Variants in TRPM3 observed in about 807,000 individuals in gnomAD.
TRPM3 encodes the protein transient receptor potential cation channel subfamily M member 3.
Under a neutral mutation model 181.2 loss-of-function variants are expected in TRPM3, and 77 were observed. That is an observed-to-expected ratio of 0.42 (90% CI 0.35 to 0.51). The LOEUF (loss-of-function observed/expected upper bound fraction) is 0.51, where lower values mean the gene tolerates loss of function less well. TRPM3 is among the 20% of genes least tolerant of loss of function. TRPM3 has a pLI of 0.01. For missense variants in TRPM3, 1,759 were observed against 2,196.7 expected (o/e 0.80, Z 3.98); for synonymous variants, 745 against 796.4 (o/e 0.94, Z 1.09).
chr9:70,741,442 A>G (rs1006357796), intron 8 of TRPM3, among the ~76,000 whole-genome samples: 4 of 152,238 alleles, frequency 2.6e-5, no homozygotes, highest in African/African-American at 9.6e-5. Flanking sequence ...AAGTAGAACT[A>G]CTATTTGATC....
intron 1 of TRPM3, among the ~76,000 whole-genome samples, chr9:71,014,155 T>G (rs978701001): frequency 6.6e-6 from 1 of 152,010 alleles, no homozygotes; most frequent in Non-Finnish European, 1.5e-5. Flanking sequence ...TCCTGAAATT[T>G]TGGTTTATAA....
At chr9:70,944,881 G>C (rs1022256823) in intron 1 of TRPM3, among the ~76,000 whole-genome samples, 4 of 150,894 alleles carry the variant, frequency 2.7e-5, no homozygotes, top group African/African-American at 9.7e-5. Flanking sequence ...AGACTACTCT[G>C]CTCACAGGTG....
chr9:70,978,196 C>T (rs2097325904), intron 1 of TRPM3, among the ~76,000 whole-genome samples: 1 of 152,198 alleles, frequency 6.6e-6, no homozygotes, highest in African/African-American at 2.4e-5. Flanking sequence ...GGAACACCTG[C>T]CAAATACGTA....
In TRPM3 at chr9:71,082,510, T is replaced by C. The variant is rs527872308; in HGVS notation, c.177+38668A>G. Among the ~76,000 whole-genome samples, 140 of 152,276 alleles carry C rather than the reference T, an allele frequency of 9.2e-4. 1 individual carries two copies. The highest frequency in any genetic ancestry group is 3.2e-3 in the African/African-American group (131 of 41,570). On this transcript the variant is annotated intron_variant, in intron 1 of 25. Coordinates refer to ENST00000677713, the MANE Select transcript of TRPM3 (RefSeq NM_001366145.2). ...CTTCATTCTAGGTAAATAAAGGGAA[T>C]CTATGTTTGATGTTAAGACATAAGT...
At chr9:70,941,964 C>T (rs147108216) in intron 1 of TRPM3, among the ~76,000 whole-genome samples, 4 of 152,254 alleles carry the variant, frequency 2.6e-5, no homozygotes, top group African/African-American at 9.6e-5. Context: ...GACAGAGGCC[C>T]TTGGAAATAT....
chr9:71,415,247 C>A (rs1226788322), intron 1 of TRPM3, among the ~76,000 whole-genome samples: 1 of 151,994 alleles, frequency 6.6e-6, no homozygotes, highest in Non-Finnish European at 1.5e-5. Context: ...CTCCTGACAC[C>A]TTGATTTCTG....
intron 5 of TRPM3, among the ~76,000 whole-genome samples, chr9:70,838,179 GGT>G (rs1178175978): frequency 1.3e-5 from 2 of 152,072 alleles, no homozygotes; most frequent in African/African-American, 4.8e-5. Context: ...TGACATTAAG[GGT>G]TAACAAGAAA....
Position 71,311,627 on chromosome 9 carries a change from T to C in TRPM3, c.183+135026A>G, listed in dbSNP as rs866174065. Among the ~76,000 whole-genome samples the C allele has an allele frequency of 3.9e-5, 6 of 152,098 alleles. No homozygotes were observed. The Middle Eastern group carries it at 0.01, about 259-fold the overall frequency. ...AACAAAAGTAACTCAACATGAGTCATAGATCTCAATGTAAGGGGTGAAACT... is the reference window on the plus strand; with the variant it reads ...AACAAAAGTAACTCAACATGAGTCACAGATCTCAATGTAAGGGGTGAAACT... On this transcript the variant is annotated intron_variant, in intron 1 of 24. Transcript: ENST00000357533.
At chr9:71,133,061 TGATA>T (rs1475648828) in intron 1 of TRPM3, among the ~76,000 whole-genome samples, 1 of 152,126 alleles carries the variant, frequency 6.6e-6, no homozygotes, top group East Asian at 1.9e-4. Flanking sequence ...TTCAGGCTCT[TGATA>T]GTTATTTCCA....
chr9:71,029,324 C>T (rs1208386497), intron 1 of TRPM3, among the ~76,000 whole-genome samples: 1 of 152,034 alleles, frequency 6.6e-6, no homozygotes, highest in African/African-American at 2.4e-5. Context: ...AAAGTACTCA[C>T]ATGAAGAGAG....
chr9:70,587,590 T>C (rs1232396352), intron 22 of TRPM3, among the ~76,000 whole-genome samples: 1 of 152,180 alleles, frequency 6.6e-6, no homozygotes, highest in East Asian at 1.9e-4. Context: ...GGGGTGGAAA[T>C]GAATTCTGCT....
At chr9:71,399,363 A>G in intron 1 of TRPM3, among the ~76,000 whole-genome samples, 1 of 152,146 alleles carries the variant, frequency 6.6e-6, no homozygotes. Flanking sequence ...AATAAACTAC[A>G]TAGAAAACTG....
intron 1 of TRPM3, among the ~76,000 whole-genome samples, chr9:71,132,334 C>A (rs754700954): frequency 3.3e-5 from 5 of 152,106 alleles, no homozygotes; most frequent in African/African-American, 1.2e-4. Flanking sequence ...ACACACTGAG[C>A]ATTATTTCAA....
intron 1 of TRPM3, among the ~76,000 whole-genome samples, chr9:71,040,220 T>G (rs924289016): frequency 1.3e-5 from 2 of 152,166 alleles, no homozygotes; most frequent in Admixed American, 6.5e-5. Context: ...CAGAAAGAGC[T>G]CCTAGCAGCT....
Position 70,782,209 on chromosome 9 carries a change from T to C in TRPM3, c.1148+1896A>G, listed in dbSNP as rs7039126. ...GGAGAACCTTGGTTAATTTTTTTTT[T>C]CTTTTTTTTTTTTAAGACAGAGTTT... On this transcript the variant is annotated intron_variant, in intron 7 of 25. Transcript: ENST00000677713. Among the ~76,000 whole-genome samples the C allele has an allele frequency of 7.0e-4, 102 of 145,280 alleles. No homozygotes were observed. The East Asian group carries it at 0.012, about 17-fold the overall frequency.
intron 1 of TRPM3, among the ~76,000 whole-genome samples, chr9:71,238,000 G>T (rs971082944): frequency 1.3e-5 from 2 of 152,074 alleles, no homozygotes; most frequent in African/African-American, 4.8e-5. Context: ...AATTTTGGAG[G>T]GGACACATTC....
chr9:70,962,163 T>C (rs529420319), intron 1 of TRPM3, among the ~76,000 whole-genome samples: 6 of 152,268 alleles, frequency 3.9e-5, no homozygotes, highest in African/African-American at 1.2e-4. Flanking sequence ...AGAACTTATA[T>C]TGAGGCATTT....
chr9:71,027,504 G>A (rs2056720122), intron 1 of TRPM3, among the ~76,000 whole-genome samples: 1 of 152,196 alleles, frequency 6.6e-6, no homozygotes, highest in South Asian at 2.1e-4. Context: ...ATATGGATAG[G>A]AATGAAGATA....
chr9:71,286,543 A>G (rs1444963473), intron 1 of TRPM3, among the ~76,000 whole-genome samples: 2 of 152,176 alleles, frequency 1.3e-5, no homozygotes, highest in Non-Finnish European at 2.9e-5. Flanking sequence ...CTGGGACAGG[A>G]AAAGAGATAT....
Sources: gnomAD v4.1 joint callset for allele counts (sites outside exome capture counted in the v4.1 genomes callset) on GRCh38, gnomAD v4.1.1 for gene constraint, MANE v1.5 for transcripts, NCBI Gene and HGNC (gene_info 2026-07-23, HGNC 2026-07-21) for gene names.